TRPM6: variants seen among roughly 807,000 people sequenced by gnomAD.
The protein encoded by TRPM6 is channel kinase 2.
In TRPM6, 111 loss-of-function variants were observed where a neutral mutation model predicts 247.6. The ratio of observed to expected loss-of-function variants is 0.45; its 90% CI spans 0.38 to 0.52. The LOEUF is 0.52. Among genes scored for constraint, TRPM6 ranks in the 20% least tolerant of loss-of-function variants. TRPM6 has a pLI of 0.00. For synonymous variants in TRPM6, 892 were observed against 853.8 expected, an observed-to-expected ratio of 1.04 and a Z score of -0.78; for missense variants, 2,126 against 2,421.5, an observed-to-expected ratio of 0.88 and a Z score of 2.56.
At chr9:74,790,288 T>C (rs1178377253) in intron 19 of TRPM6, among the ~76,000 whole-genome samples, 4 of 152,260 alleles carry the variant, frequency 2.6e-5, no homozygotes, top group African/African-American at 9.6e-5. Flanking sequence ...TAAAGGTAAA[T>C]TTCAATAATT....
chr9:74,830,361 T>C (rs977833864), intron 6 of TRPM6, among the ~76,000 whole-genome samples: 3 of 151,890 alleles, frequency 2.0e-5, no homozygotes, highest in Non-Finnish European at 4.4e-5. Context: ...ATAATATGAA[T>C]TGTTTTGTTT....
chr9:74,879,804 C>G (rs554418677), intron 1 of TRPM6, among the ~76,000 whole-genome samples: 1 of 152,256 alleles, frequency 6.6e-6, no homozygotes, highest in South Asian at 2.1e-4. Context: ...TTTGTAGTAT[C>G]CTTTATAATT....
Position 74,858,724 on chromosome 9 carries a change from C to G in TRPM6, c.58G>C (p.Val20Leu). 9 of 1,613,452 alleles carry G rather than the reference C, an allele frequency of 5.6e-6. No individual in the cohort carries two copies. The highest frequency in any genetic ancestry group is 7.6e-6 in the Non-Finnish European group (9 of 1,179,616). Residue 20 changes from valine (V) to leucine (L), a missense_variant, in exon 2 of 39, where the codon GTA becomes CTA. By Grantham distance (32) the Val-to-Leu change is conservative. This residue lies in a region of TRPM6 where 1,082 missense variants were observed against 1,307.9 expected (regional missense o/e 0.83). Coordinates refer to ENST00000360774, the MANE Select transcript of TRPM6 (RefSeq NM_017662.5). Reference sequence around the variant, plus strand: ...GTGCTACATTCTCTCTTGTCAAATACTCCTTTAATCCAGGATTTCTGGGAC... The same window carrying G: ...GTGCTACATTCTCTCTTGTCAAATAGTCCTTTAATCCAGGATTTCTGGGAC... ...LQSQKSWIKG[V>L]FDKRECSTII...
intron 36 of TRPM6, chr9:74,737,278 T>C: frequency 1.1e-6 from 1 of 884,728 alleles, no homozygotes; most frequent in South Asian, 1.6e-5. Flanking sequence ...AAAATGCACT[T>C]ATATGTAGTT....
intron 1 of TRPM6, among the ~76,000 whole-genome samples, chr9:74,870,358 AC>A (rs1830981589): frequency 6.6e-6 from 1 of 152,204 alleles, no homozygotes; most frequent in Admixed American, 6.5e-5. Context: ...GCAGACATCT[AC>A]ACTAAGGGAA....
intron 1 of TRPM6, among the ~76,000 whole-genome samples, chr9:74,865,096 G>A (rs1005209593): frequency 2.6e-5 from 4 of 151,022 alleles, no homozygotes; most frequent in African/African-American, 4.9e-5. Flanking sequence ...AAAATGGAAC[G>A]TCAGAATGAA....
chr9:74,850,507 G>A (rs902245012), intron 3 of TRPM6, among the ~76,000 whole-genome samples: 3 of 151,900 alleles, frequency 2.0e-5, no homozygotes, highest in Non-Finnish European at 4.4e-5. Context: ...ATCACATGAG[G>A]TCGGGAGTTC....
intron 1 of TRPM6, among the ~76,000 whole-genome samples, chr9:74,868,491 T>C (rs1289200548): frequency 6.6e-6 from 1 of 151,724 alleles, no homozygotes; most frequent in Admixed American, 6.6e-5. Flanking sequence ...CGAGACTCCA[T>C]CTCAAAAAAT....
At chr9:74,853,263 C>T (rs1220436359) in intron 3 of TRPM6, among the ~76,000 whole-genome samples, 1 of 151,990 alleles carries the variant, frequency 6.6e-6, no homozygotes, top group African/African-American at 2.4e-5. Context: ...GGCAGCCGCC[C>T]CGTCAGGGAA....
At chr9:74,870,902 C>T (rs1169119262) in intron 1 of TRPM6, among the ~76,000 whole-genome samples, 1 of 151,332 alleles carries the variant, frequency 6.6e-6, no homozygotes, top group African/African-American at 2.4e-5. Context: ...CACGGCACTC[C>T]AGCCTAGGTG....
intron 17 of TRPM6, among the ~76,000 whole-genome samples, chr9:74,799,503 C>T (rs1412998734): frequency 1.3e-5 from 2 of 151,152 alleles, no homozygotes; most frequent in Non-Finnish European, 2.9e-5. Context: ...TGGAGGGCAG[C>T]CTTATGAAAC....
intron 5 of TRPM6, among the ~76,000 whole-genome samples, chr9:74,838,402 G>A (rs549134033): frequency 4.6e-5 from 7 of 152,172 alleles, no homozygotes; most frequent in Non-Finnish European, 7.4e-5. Context: ...TAAAGTGTGC[G>A]TTACCTATTT....
intron 1 of TRPM6, among the ~76,000 whole-genome samples, chr9:74,871,798 A>G (rs1383956900): frequency 6.7e-6 from 1 of 149,014 alleles, no homozygotes; most frequent in African/African-American, 2.5e-5. Context: ...TCCCACCCTC[A>G]CCTCCCGAGT....
intron 1 of TRPM6, among the ~76,000 whole-genome samples, chr9:74,878,682 T>TG (rs1831265650): frequency 6.6e-6 from 1 of 152,080 alleles, no homozygotes; most frequent in Non-Finnish European, 1.5e-5. Flanking sequence ...TTATGCCACA[T>TG]GCACAGATAT....
intron 17 of TRPM6, 33 bp downstream of exon 17, chr9:74,800,221 T>C (rs762325791): frequency 1.9e-6 from 3 of 1,585,614 alleles, no homozygotes; most frequent in South Asian, 1.1e-5. Context: ...AAGACTAACA[T>C]TAAACTCCAT....
At chr9:74,822,651 G>A (rs1829171779) in intron 7 of TRPM6, among the ~76,000 whole-genome samples, 1 of 151,860 alleles carries the variant, frequency 6.6e-6, no homozygotes, top group Admixed American at 6.6e-5. Context: ...TTTATTGTTT[G>A]AATTTTTTAT....
chr9:74,840,095 A>C lies in TRPM6; in HGVS notation c.473T>G (p.Ile158Ser), dbSNP rs1412990967. 1 of 1,613,976 alleles carries C rather than the reference A, an allele frequency of 6.2e-7. No homozygotes were observed. Among genetic ancestry groups the C allele is most frequent in the Non-Finnish European group, 8.5e-7 (1 of 1,179,998 alleles). Reference sequence around the variant, plus strand: ...AGCTTTAACCAAACCTTGGCTGAAAATCTCTTTAAATTTAGAGGGCATAGT... The same window carrying C: ...AGCTTTAACCAAACCTTGGCTGAAACTCTCTTTAAATTTAGAGGGCATAGT... Reference protein sequence around the residue: ...NFTMPSKFKEIFSQGLVKAAE... With the variant: ...NFTMPSKFKESFSQGLVKAAE... The change falls in exon 5 of 39, where the codon ATT becomes AGT. Residue 158 changes from isoleucine (I) to serine (S), a missense_variant. By Grantham distance (142) the Ile-to-Ser change is moderately radical. Coordinates refer to ENST00000360774, the MANE Select transcript of TRPM6 (RefSeq NM_017662.5).
intron 16 of TRPM6, 150 bp downstream of exon 16, chr9:74,801,747 GA>G: frequency 1.0e-6 from 1 of 956,318 alleles, no homozygotes; most frequent in South Asian, 1.5e-5. Flanking sequence ...AAGCTCCTTA[GA>G]ATACCTGAAG....
intron 1 of TRPM6, among the ~76,000 whole-genome samples, chr9:74,870,193 G>GA (rs34982956): frequency 0.34 from 51,336 of 151,896 alleles, 9,257 homozygotes; most frequent in East Asian, 0.5. Flanking sequence ...TAAAATAGTT[G>GA]AAAAAATAAT....
Sources: allele counts gnomAD v4.1 joint callset (sites outside exome capture counted in the v4.1 genomes callset), GRCh38; gene constraint gnomAD v4.1.1; regional missense constraint gnomAD v4.1.1; transcripts MANE v1.5; gene names NCBI Gene and HGNC (gene_info 2026-07-23, HGNC 2026-07-21).